LRP1B: variants seen among roughly 807,000 people sequenced by gnomAD.
LRP1B encodes the protein low-density lipoprotein receptor-related protein 1B.
In LRP1B, 217 loss-of-function variants were observed where a neutral mutation model predicts 556.6. That is an observed-to-expected ratio of 0.39 (90% CI 0.35 to 0.44). The LOEUF (loss-of-function observed/expected upper bound fraction) is 0.44. Ranked by LOEUF, LRP1B falls within the 20% of genes least tolerant of loss-of-function variation. LRP1B has a pLI of 1.00. For missense variants in LRP1B, 5,053 were observed against 5,620.8 expected (o/e 0.90, Z 3.23); for synonymous variants, 2,047 against 1,865.8 (o/e 1.10, Z -2.50).
intron 3 of LRP1B, among the ~76,000 whole-genome samples, chr2:141,461,398 A>G (rs958505405): frequency 1.3e-5 from 2 of 152,204 alleles, no homozygotes; most frequent in African/African-American, 4.8e-5. Context: ...TGAAAGCTTG[A>G]CTGCAGTATG....
chr2:140,565,300 A>G (rs1323501179), intron 43 of LRP1B, among the ~76,000 whole-genome samples: 1 of 134,094 alleles, frequency 7.5e-6, no homozygotes, highest in Admixed American at 7.5e-5. Flanking sequence ...TCTGAATTGT[A>G]ATTTTTTGAA....
At chr2:140,762,998 C>A (rs1015666327) in intron 35 of LRP1B, among the ~76,000 whole-genome samples, 2 of 152,018 alleles carry the variant, frequency 1.3e-5, no homozygotes, top group Admixed American at 6.6e-5. Flanking sequence ...GTCAGTATAT[C>A]TAGGGTTGGG....
chr2:141,170,551 T>A (rs1364823402), intron 7 of LRP1B, among the ~76,000 whole-genome samples: 1 of 152,056 alleles, frequency 6.6e-6, no homozygotes, highest in Non-Finnish European at 1.5e-5. Context: ...AGTATGCCTC[T>A]CAAATGCCAG....
At chr2:140,971,727 A>G (rs947279802) in intron 18 of LRP1B, among the ~76,000 whole-genome samples, 2 of 152,150 alleles carry the variant, frequency 1.3e-5, no homozygotes, top group African/African-American at 2.4e-5. Context: ...CCAGCTACTC[A>G]GGAGGCTGAG....
At chr2:142,019,045 C>G (rs1356405824) in intron 1 of LRP1B, among the ~76,000 whole-genome samples, 1 of 152,132 alleles carries the variant, frequency 6.6e-6, no homozygotes, top group African/African-American at 2.4e-5. Context: ...TAAAAAGGCT[C>G]TAAAGTGAGA....
chr2:140,562,137 T>C (rs1360327156), intron 43 of LRP1B, among the ~76,000 whole-genome samples: 1 of 152,032 alleles, frequency 6.6e-6, no homozygotes, highest in African/African-American at 2.4e-5. Flanking sequence ...TACCTAGTGG[T>C]GGTGGTGATT....
chr2:140,237,170 C>T (rs778515366), intron 89 of LRP1B, among the ~76,000 whole-genome samples: 13 of 150,946 alleles, frequency 8.6e-5, no homozygotes, highest in African/African-American at 3.1e-4. Context: ...TATTTTCCTT[C>T]CTCCTCCCCT....
At chr2:141,567,113 A>G (rs1686359511) in intron 2 of LRP1B, among the ~76,000 whole-genome samples, 1 of 152,210 alleles carries the variant, frequency 6.6e-6, no homozygotes, top group Non-Finnish European at 1.5e-5. Context: ...GTTTGTTGTT[A>G]TAAATAAAAC....
chr2:141,919,861 T>C (rs1700135924), intron 1 of LRP1B, among the ~76,000 whole-genome samples: 2 of 152,014 alleles, frequency 1.3e-5, no homozygotes, highest in African/African-American at 4.8e-5. Flanking sequence ...ACTTTGATTA[T>C]GAAATAGATC....
intron 1 of LRP1B, among the ~76,000 whole-genome samples, chr2:142,099,875 A>G (rs886262864): frequency 2.0e-5 from 3 of 151,958 alleles, no homozygotes; most frequent in Non-Finnish European, 4.4e-5. Context: ...TAAAAAGTAC[A>G]TCAATGATTG....
At chr2:141,914,169 T>C (rs1699974783) in intron 1 of LRP1B, among the ~76,000 whole-genome samples, 1 of 152,196 alleles carries the variant, frequency 6.6e-6, no homozygotes, top group Admixed American at 6.5e-5. Context: ...AGGTAATGTT[T>C]ATAAAAGGAA....
chr2:141,300,465 A>G (rs949618337), intron 3 of LRP1B, among the ~76,000 whole-genome samples: 1 of 152,214 alleles, frequency 6.6e-6, no homozygotes, highest in Non-Finnish European at 1.5e-5. Context: ...GATTATAACT[A>G]GGTAAACCTA....
chr2:141,421,410 T>G (rs990411813), intron 3 of LRP1B, among the ~76,000 whole-genome samples: 2 of 150,204 alleles, frequency 1.3e-5, no homozygotes, highest in African/African-American at 2.4e-5. Flanking sequence ...GCGCCTGTAG[T>G]CCCAGCTACT....
chr2:141,184,129 C>T (rs1369328436), intron 7 of LRP1B, among the ~76,000 whole-genome samples: 3 of 152,018 alleles, frequency 2.0e-5, no homozygotes, highest in Admixed American at 2.0e-4. Flanking sequence ...GTGTCATGTT[C>T]AAAAATGCAG....
chr2:140,464,850 C>G (rs1687476518), intron 60 of LRP1B, among the ~76,000 whole-genome samples: 1 of 152,148 alleles, frequency 6.6e-6, no homozygotes, highest in African/African-American at 2.4e-5. Context: ...GGACACATAT[C>G]AAGTATAGTT....
At chr2:141,976,158 C>T (rs1383097857) in intron 1 of LRP1B, among the ~76,000 whole-genome samples, 2 of 152,004 alleles carry the variant, frequency 1.3e-5, no homozygotes, top group Non-Finnish European at 2.9e-5. Flanking sequence ...GTTTCTCCTA[C>T]ACTGTCTTTG....
rs59545251 is a variant in LRP1B at position 141,502,867 on chromosome 2, A to T, written c.206-22334T>A. Among the ~76,000 whole-genome samples the T allele has an allele frequency of 7.7e-3, 1,162 of 150,490 alleles. 23 individuals carry two copies. Among genetic ancestry groups the T allele is most frequent in the African/African-American group, 0.027 (1,103 of 41,092 alleles). On this transcript the variant is annotated intron_variant, in intron 2 of 90. Transcript: ENST00000389484. The stretch of plus-strand genomic sequence containing the variant: ...AGGGAGACCCCGTCTCAAAAAATAA[A>T]AAATAAATAAAAATAAAAATTAAAA...
At chr2:141,149,659 G>A (rs1167164750) in intron 7 of LRP1B, among the ~76,000 whole-genome samples, 1 of 152,096 alleles carries the variant, frequency 6.6e-6, no homozygotes, top group Non-Finnish European at 1.5e-5. Flanking sequence ...GAAGAAGGAG[G>A]CCTGAGGCAC....
chr2:142,105,120 G>A (rs952904304), intron 1 of LRP1B, among the ~76,000 whole-genome samples: 2 of 152,120 alleles, frequency 1.3e-5, no homozygotes, highest in Non-Finnish European at 2.9e-5. Flanking sequence ...GCAAAGGCGG[G>A]AAAGGCTACT....
Sources: gnomAD v4.1 joint callset for allele counts (sites outside exome capture counted in the v4.1 genomes callset) on GRCh38, gnomAD v4.1.1 for gene constraint, MANE v1.5 for transcripts, NCBI Gene and HGNC (gene_info 2026-07-23, HGNC 2026-07-21) for gene names.